TRPV1: variants seen among roughly 807,000 people sequenced by gnomAD.
TRPV1 encodes OTRPC1.
A neutral mutation model predicts 82.3 loss-of-function variants in TRPV1; 82 were observed. That is an observed-to-expected ratio of 1.00 (90% confidence interval 0.83 to 1.20). The LOEUF (loss-of-function observed/expected upper bound fraction) is 1.20, where lower values mean the gene tolerates loss of function less well. TRPV1 is among the 50% of genes most tolerant of loss of function. The probability of loss-of-function intolerance (pLI) is 0.00; values close to 1 mark genes in which losing one functional copy is unlikely to be tolerated. For synonymous variants in TRPV1, 515 were observed against 467.7 expected (o/e 1.10, Z -1.30); for missense variants, 1,067 against 1,096.8 (o/e 0.97, Z 0.38).
intron 14 of TRPV1, among the ~76,000 whole-genome samples, chr17:3,572,906 T>C (rs224554): frequency 0.93 from 139,513 of 150,448 alleles, 65,509 homozygotes; most frequent in East Asian, 1. Flanking sequence ...CCGCTTGAAG[T>C]CGGGAGGCAG....
chr17:3,607,090 G>A (rs935154622), intron 2 of TRPV1, among the ~76,000 whole-genome samples: 2 of 152,224 alleles, frequency 1.3e-5, no homozygotes, highest in African/African-American at 2.4e-5. Context: ...GCTAACGCCT[G>A]TAATCCCAGC....
intron 16 of TRPV1, among the ~76,000 whole-genome samples, chr17:3,567,480 CCCTCAA>C (rs1368344931): frequency 6.6e-6 from 1 of 152,064 alleles, no homozygotes. Flanking sequence ...ATGTCCTCCT[CCCTCAA>C]CTACTCAAAG....
intron 2 of TRPV1, among the ~76,000 whole-genome samples, chr17:3,597,672 CT>C (rs34662119): frequency 0.15 from 17,783 of 117,658 alleles, 953 homozygotes; most frequent in Non-Finnish European, 0.21. Context: ...GTGTCATTTC[CT>C]TTTTTTTTTT....
At position 3,572,123 on chromosome 17, in the gene TRPV1, T is replaced by C. The variant is rs200730890; in HGVS notation, c.2230A>G (p.Arg744Gly). 1.2e-4 allele frequency: 199 copies of C among 1,612,816 alleles called. No homozygotes were observed. The highest frequency in any genetic ancestry group is 1.6e-4 in the Non-Finnish European group (189 of 1,179,246). Residue 744 changes from arginine (R) to glycine (G), a missense_variant and splice_region_variant, in exon 15 of 17, where the codon AGG (arginine) becomes GGG (glycine). Coordinates refer to ENST00000572705, the MANE Select transcript of TRPV1 (RefSeq NM_080704.4). ...DGKDDYRWCF[R>G]VDEVNWTTWN... ...ATTCAGGTGGAGCCTGGGCATTACC[T>C]GAAGCACCACCGGTAGTCGTCCTTG... is the stretch of plus-strand genomic sequence containing the variant.
intron 16 of TRPV1, 134 bp from the exon 17 acceptor site, chr17:3,567,121 G>A: frequency 1.0e-6 from 1 of 1,000,836 alleles, no homozygotes; most frequent in Admixed American, 2.7e-5. Flanking sequence ...ACTTTGGGAG[G>A]CCGAGGCAGG....
chr17:3,590,978 T>C lies in TRPV1; in HGVS notation c.590A>G (p.Asp197Gly). The C allele has an allele frequency of 1.9e-6, 3 of 1,606,998 alleles. No individual in the cohort carries two copies. Among genetic ancestry groups the C allele is most frequent in the Non-Finnish European group, 2.5e-6 (3 of 1,177,538 alleles). ...GCCCTCCTCACCCTTGTAGTAGCTG[T>C]CCGTGTAGCTGGCGTTGACAAGCTC... ...LKELVNASYT[D>G]SYYKGQTALH... Residue 197 changes from aspartate to glycine, a missense_variant, in exon 5 of 17, where the codon GAC becomes GGC. By Grantham distance (94) the Asp-to-Gly change is moderately conservative. Coordinates refer to ENST00000572705, the MANE Select transcript of TRPV1 (RefSeq NM_080704.4).
Position 3,577,215 on chromosome 17 carries a change from C to A in TRPV1, c.1714-23G>T, listed in dbSNP as rs200664439. 5.1e-6 allele frequency: 8 copies of A among 1,567,884 alleles called. No homozygotes were observed. In the South Asian group the frequency reaches 8.2e-5, roughly 16 times the overall value. On this transcript the variant is annotated intron_variant, in intron 12 of 16. Transcript: ENST00000572705. ...CATCTGCAGGAGACAGCAGGCTCAT[C>A]AGAGCCGAGGCCAGGCCCAGGAGGA...
intron 2 of TRPV1, among the ~76,000 whole-genome samples, chr17:3,607,468 A>G (rs1268206623): frequency 6.6e-6 from 1 of 152,144 alleles, no homozygotes; most frequent in African/African-American, 2.4e-5. Context: ...CTACACATAC[A>G]TATCTGTAAT....
chr17:3,585,814 A>G lies in TRPV1; in HGVS notation c.1337T>C (p.Met446Thr), dbSNP rs773585651. 1.2e-6 allele frequency: 2 copies of G among 1,613,706 alleles called. No homozygotes were observed. Among genetic ancestry groups the G allele is most frequent in the African/African-American group, 1.3e-5 (1 of 74,914 alleles). The change falls in exon 9 of 17, where the codon ATG becomes ACG. Residue 446 changes from methionine (M) to threonine (T), a missense_variant. Transcript: ENST00000572705. The stretch of plus-strand genomic sequence containing the variant: ...GTAGGCAGCCATGGTGAAGATGATC[A>G]TGTACAGGCAGTAGACCAGGAAGTT... Reference protein sequence around the residue: ...YFNFLVYCLYMIIFTMAAYYR... With the variant: ...YFNFLVYCLYTIIFTMAAYYR...
intron 11 of TRPV1, among the ~76,000 whole-genome samples, chr17:3,579,974 C>T (rs968313415): frequency 7.9e-5 from 12 of 152,012 alleles, no homozygotes; most frequent in Non-Finnish European, 1.8e-4. Flanking sequence ...CAGGCAGCTG[C>T]GAGTAGAGGC....
At chr17:3,569,852 C>T (rs960060606) in intron 16 of TRPV1, among the ~76,000 whole-genome samples, 1 of 151,610 alleles carries the variant, frequency 6.6e-6, no homozygotes, top group African/African-American at 2.4e-5. Context: ...CCTTTAACGT[C>T]TCTGTCCCAC....
At chr17:3,583,504 A>T in intron 9 of TRPV1, 74 bp from the exon 10 acceptor site, 1 of 1,228,930 alleles carries the variant, frequency 8.1e-7, no homozygotes, top group East Asian at 2.6e-5. Context: ...AGGTCCATGA[A>T]GCCATAGTCC....
chr17:3,595,044 C>G (rs753896401), intron 2 of TRPV1, among the ~76,000 whole-genome samples: 22 of 151,800 alleles, frequency 1.4e-4, no homozygotes, highest in Admixed American at 3.9e-4. Flanking sequence ...CCTGGGGGGC[C>G]GGGTGCTAGT....
chr17:3,571,434 C>A (rs1175934064), intron 16 of TRPV1, 90 bp downstream of exon 16: 2 of 1,062,076 alleles, frequency 1.9e-6, no homozygotes, highest in Non-Finnish European at 2.8e-6. Context: ...ATGAGGAACC[C>A]GGCAAGGCGT....
At chr17:3,574,568 G>A (rs1430931079) in intron 13 of TRPV1, among the ~76,000 whole-genome samples, 7 of 152,174 alleles carry the variant, frequency 4.6e-5, no homozygotes, top group East Asian at 3.9e-4. Context: ...CAACGCAAAC[G>A]GCAGGGTGGG....
chr17:3,570,863 G>A (rs1165022100), intron 16 of TRPV1, among the ~76,000 whole-genome samples: 3 of 152,106 alleles, frequency 2.0e-5, no homozygotes, highest in African/African-American at 7.2e-5. Flanking sequence ...ACAGGTGCCT[G>A]CCACCATGCC....
rs201323996 is a variant in TRPV1, at chr17:3,585,890, G to A, written c.1261C>T (p.Arg421Ter). 163 of 1,613,650 alleles carry A rather than the reference G, an allele frequency of 1.0e-4. No individual in the cohort carries two copies. Among genetic ancestry groups the A allele is most frequent in the Non-Finnish European group, 1.3e-4 (157 of 1,179,810 alleles). The change falls in exon 9 of 17, where the codon CGA becomes TGA. Residue 421 changes from arginine (R) to a stop codon, truncating the protein, a stop_gained. Transcript: ENST00000572705. LOFTEE classifies it high-confidence loss of function. Reference protein sequence around the residue: ...HDMLLVEPLNRLLQDKWDRFV... With the variant: ...HDMLLVEPLN ...CTGTCCCACTTGTCCTGCAGGAGTCGGTTCAGCGGCTCCACCAAGAGCATG... is the reference window on the plus strand; with the variant it reads ...CTGTCCCACTTGTCCTGCAGGAGTCAGTTCAGCGGCTCCACCAAGAGCATG...
intron 16 of TRPV1, 135 bp from the exon 17 acceptor site, chr17:3,567,122 C>A: frequency 3.0e-6 from 3 of 997,282 alleles, no homozygotes; most frequent in Admixed American, 5.5e-5. Context: ...CTTTGGGAGG[C>A]CGAGGCAGGT....
At chr17:3,573,597 C>A in intron 14 of TRPV1, 36 bp downstream of exon 14, 2 of 1,556,260 alleles carry the variant, frequency 1.3e-6, no homozygotes, top group Non-Finnish European at 1.7e-6. Flanking sequence ...CCACACTCTC[C>A]GCGCCACTCA....
Sources: allele counts gnomAD v4.1 joint callset (sites outside exome capture counted in the v4.1 genomes callset), GRCh38; gene constraint gnomAD v4.1.1; transcripts MANE v1.5; gene names NCBI Gene and HGNC (gene_info 2026-07-23, HGNC 2026-07-21).